CCNH: variants seen among roughly 807,000 people sequenced by gnomAD.
CCNH encodes the protein cyclin H, also known as cyclin-H.
Under a neutral mutation model 41.9 loss-of-function variants are expected in CCNH, and 31 were observed. The ratio of observed to expected loss-of-function variants is 0.74; its 90% CI spans 0.56 to 1.00. CCNH has a LOEUF of 1.00. Ranked by LOEUF, CCNH falls within the 50% of genes least tolerant of loss-of-function variation. The pLI is 0.00. For missense variants in CCNH, 362 were observed against 388.4 expected, an observed-to-expected ratio of 0.93 and a Z score of 0.57; for synonymous variants, 138 against 136.1, an observed-to-expected ratio of 1.01 and a Z score of -0.10.
At chr5:87,388,291 A>C (rs1762210282), downstream of CCNH, among the ~76,000 whole-genome samples, 2 of 152,192 alleles carry the variant, frequency 1.3e-5, no homozygotes, top group African/African-American at 4.8e-5. Context: ...AGTTTTTAGC[A>C]ATGTAAAGCA....
chr5:87,396,268 A>C (rs1762953267), intron 7 of CCNH, among the ~76,000 whole-genome samples: 1 of 152,012 alleles, frequency 6.6e-6, no homozygotes, highest in Non-Finnish European at 1.5e-5. Context: ...AAAGTCCTGA[A>C]ACCAATCCCC....
At chr5:87,380,014 C>T (rs1236314735), upstream of CCNH, among the ~76,000 whole-genome samples, 2 of 152,126 alleles carry the variant, frequency 1.3e-5, no homozygotes, top group Admixed American at 1.3e-4. Context: ...AAATAGCTGT[C>T]TTAATAAAAC....
At chr5:87,407,850 G>T in intron 4 of CCNH, 126 bp downstream of exon 4, 1 of 688,510 alleles carries the variant, frequency 1.5e-6, no homozygotes, top group Non-Finnish European at 2.5e-6. Context: ...AGATGACCAG[G>T]CCAGACCCAC....
intron 1 of CCNH, 86 bp downstream of exon 1, chr5:87,412,592 G>A: frequency 1.9e-6 from 3 of 1,543,988 alleles, no homozygotes; most frequent in Non-Finnish European, 1.8e-6. Flanking sequence ...ACGACGGAGC[G>A]AGATTGTCCT....
At chr5:87,391,825 T>G (rs1302132653), downstream of CCNH, 1 of 231,606 alleles carries the variant, frequency 4.3e-6, no homozygotes, top group African/African-American at 2.2e-5. Flanking sequence ...GGATATTTAG[T>G]TCAACTGTAT....
chr5:87,318,000 C>A (rs1756477854), downstream of CCNH, among the ~76,000 whole-genome samples: 1 of 151,880 alleles, frequency 6.6e-6, no homozygotes, highest in African/African-American at 2.4e-5. Flanking sequence ...TTTCAAATAT[C>A]CCCCCTTTAT....
intron 9 of CCNH, among the ~76,000 whole-genome samples, chr5:87,351,176 G>A (rs1359593369): frequency 6.7e-6 from 1 of 149,670 alleles, no homozygotes; most frequent in Non-Finnish European, 1.5e-5. Context: ...TATATTCAGA[G>A]TTTTAAAAAA....
chr5:87,401,625 T>A (rs569776365), intron 6 of CCNH, 77 bp downstream of exon 6: 674 of 874,088 alleles, frequency 7.7e-4, no homozygotes, highest in Non-Finnish European at 1.0e-3. Flanking sequence ...ATATTTCTAG[T>A]TAAACACCAA....
At chr5:87,351,062 T>G (rs928953230) in intron 9 of CCNH, among the ~76,000 whole-genome samples, 2 of 151,690 alleles carry the variant, frequency 1.3e-5, no homozygotes, top group Non-Finnish European at 3.0e-5. Flanking sequence ...ACAGCCATAC[T>G]CTGCTGTCCC....
At chr5:87,385,021 A>G (rs548411115) in intron 9 of CCNH, among the ~76,000 whole-genome samples, 2 of 152,090 alleles carry the variant, frequency 1.3e-5, no homozygotes, top group East Asian at 3.8e-4. Flanking sequence ...CCTTTGAAAT[A>G]GTATCAACCG....
intron 3 of CCNH, 181 bp downstream of exon 3, chr5:87,409,109 G>A (rs1177508497): frequency 3.7e-5 from 15 of 404,360 alleles, no homozygotes; most frequent in Middle Eastern, 5.3e-4. Flanking sequence ...CTGAAGTACA[G>A]GTAAACAGAG....
Position 87,412,845 on chromosome 5 carries a change from A to T in CCNH, c.-51T>A. 6.3e-7 allele frequency: 1 copy of T among 1,592,416 alleles called. No individual in the cohort carries two copies. The highest frequency in any genetic ancestry group is 8.6e-7 in the Non-Finnish European group (1 of 1,163,516). On this transcript the variant is annotated 5_prime_UTR_variant, in exon 1 of 9. An upstream start codon of the reference 5' UTR is lost. Transcript: ENST00000256897. ...GGTCTGCAGACGAGAACCCAAACGCATCAGCGTCCTGGCGTAAAACACCCG... is the reference window on the plus strand; with the variant it reads ...GGTCTGCAGACGAGAACCCAAACGCTTCAGCGTCCTGGCGTAAAACACCCG...
intron 9 of CCNH, among the ~76,000 whole-genome samples, chr5:87,343,326 C>T (rs1196028999): frequency 7.9e-5 from 12 of 152,088 alleles, no homozygotes; most frequent in Non-Finnish European, 1.8e-4. Flanking sequence ...AATCTCCTGC[C>T]AGGATTTGAT....
intron 9 of CCNH, among the ~76,000 whole-genome samples, chr5:87,339,674 C>G (rs1449018871): frequency 6.6e-6 from 1 of 152,066 alleles, no homozygotes; most frequent in East Asian, 1.9e-4. Context: ...CATGACCTCA[C>G]ATCAGTACAA....
intron 9 of CCNH, among the ~76,000 whole-genome samples, chr5:87,358,806 T>C (rs1759851714): frequency 6.6e-6 from 1 of 152,120 alleles, no homozygotes; most frequent in Admixed American, 6.6e-5. Context: ...TGTATTATTA[T>C]TTGTAAATAA....
intron 9 of CCNH, among the ~76,000 whole-genome samples, chr5:87,340,510 A>T (rs1032691259): frequency 3.3e-5 from 5 of 152,084 alleles, no homozygotes; most frequent in Admixed American, 2.0e-4. Context: ...GTGAGGACCA[A>T]ATTGTGAGAA....
downstream of CCNH, chr5:87,392,339 T>G (rs762206905): frequency 2.2e-6 from 1 of 455,958 alleles, no homozygotes; most frequent in South Asian, 1.5e-5. Context: ...GTTATTTCTA[T>G]GGGGGCTGCT....
intron 1 of CCNH, 132 bp downstream of exon 1, chr5:87,412,546 A>G: frequency 6.9e-7 from 1 of 1,458,722 alleles, no homozygotes. Context: ...GCTTATTTTG[A>G]TAGAAAAACG....
At chr5:87,316,149 T>A (rs543078870), downstream of CCNH, among the ~76,000 whole-genome samples, 2 of 152,322 alleles carry the variant, frequency 1.3e-5, no homozygotes, top group East Asian at 3.9e-4. Context: ...AAAAGCAAAT[T>A]ACAAGTATAA....
Sources: gnomAD v4.1 joint callset for allele counts (sites outside exome capture counted in the v4.1 genomes callset) on GRCh38, gnomAD v4.1.1 for gene constraint, MANE v1.5 for transcripts, NCBI Gene and HGNC (gene_info 2026-07-23, HGNC 2026-07-21) for gene names.